The following ZNF385D variants were observed in gnomAD, a reference collection of about 807,000 sequenced individuals.
The protein encoded by ZNF385D is zinc finger protein 659.
In ZNF385D, 15 loss-of-function variants were observed where a neutral mutation model predicts 35.8. That is an observed-to-expected ratio of 0.42 (90% CI 0.28 to 0.64). The LOEUF is 0.64. Ranked by LOEUF, ZNF385D falls within the 30% of genes least tolerant of loss-of-function variation. ZNF385D has a pLI of 0.23. For missense variants in ZNF385D, 474 were observed against 494.6 expected, an observed-to-expected ratio of 0.96 and a Z score of 0.39; for synonymous variants, 212 against 186.8, an observed-to-expected ratio of 1.13 and a Z score of -1.10.
At chr3:22,139,171 T>A (rs1392064148) in intron 3 of ZNF385D, among the ~76,000 whole-genome samples, 5 of 152,118 alleles carry the variant, frequency 3.3e-5, no homozygotes, top group Admixed American at 2.0e-4. Context: ...TTGGTGGGAC[T>A]GTAAACTAGT....
At chr3:21,472,682 A>G (rs140911045) in intron 4 of ZNF385D, among the ~76,000 whole-genome samples, 1 of 152,302 alleles carries the variant, frequency 6.6e-6, no homozygotes, top group Non-Finnish European at 1.5e-5. Context: ...AGCCAATTAC[A>G]GCAGCTAAGC....
In ZNF385D at chr3:22,263,336, T is replaced by G. The variant is rs139907856; in HGVS notation, c.107-94301A>C. Among the ~76,000 whole-genome samples the G allele has an allele frequency of 9.9e-4, 151 of 152,064 alleles. 1 individual carries two copies. The South Asian group carries it at 0.012, about 12-fold the overall frequency. On this transcript the variant is annotated intron_variant, in intron 2 of 5. Coordinates refer to the ZNF385D transcript ENST00000494108. The stretch of plus-strand genomic sequence containing the variant: ...CTTGGGGACTTTCCAACTTTCTGCT[T>G]CCTTCTTTCTGCAATGATTTTGTCC...
At chr3:21,869,305 A>G (rs1697558010) in intron 3 of ZNF385D, among the ~76,000 whole-genome samples, 1 of 152,132 alleles carries the variant, frequency 6.6e-6, no homozygotes, top group Admixed American at 6.6e-5. Context: ...TCAGAGGCGG[A>G]CATAGGTATT....
intron 3 of ZNF385D, among the ~76,000 whole-genome samples, chr3:22,090,743 G>C (rs1436485666): frequency 6.6e-6 from 1 of 152,134 alleles, no homozygotes; most frequent in Non-Finnish European, 1.5e-5. Context: ...ACATACGTTT[G>C]AACCAAATGA....
chr3:21,573,353 A>G (rs954091131), intron 2 of ZNF385D, among the ~76,000 whole-genome samples: 3 of 151,580 alleles, frequency 2.0e-5, no homozygotes, highest in African/African-American at 7.3e-5. Context: ...AAAATTTAAA[A>G]TAACAAGATT....
At chr3:21,974,708 C>A (rs1559807483) in intron 3 of ZNF385D, among the ~76,000 whole-genome samples, 1 of 151,908 alleles carries the variant, frequency 6.6e-6, no homozygotes, top group Non-Finnish European at 1.5e-5. Context: ...ATATAAGGAG[C>A]TCAGACAACT....
At chr3:21,769,718 C>G (rs563898006) in intron 3 of ZNF385D, among the ~76,000 whole-genome samples, 5,568 of 99,172 alleles carry the variant, frequency 0.056, 219 homozygotes, top group Non-Finnish European at 0.066. Context: ...ACTTTCTTCA[C>G]AGAATTGGAA....
At chr3:21,778,301 CACTT>C (rs2071367853) in intron 3 of ZNF385D, among the ~76,000 whole-genome samples, 1 of 151,856 alleles carries the variant, frequency 6.6e-6, no homozygotes, top group African/African-American at 2.4e-5. Context: ...ACCACAAACA[CACTT>C]ATTTCTTTCC....
At chr3:22,103,806 A>G (rs560488124) in intron 3 of ZNF385D, among the ~76,000 whole-genome samples, 1 of 152,140 alleles carries the variant, frequency 6.6e-6, no homozygotes, top group South Asian at 2.1e-4. Flanking sequence ...ATGGCAAACT[A>G]TGCCTTACCA....
chr3:22,102,293 T>C lies in ZNF385D; in HGVS notation c.325+66524A>G, dbSNP rs185482530. 1.8e-4 allele frequency among the ~76,000 whole-genome samples: 27 copies of C among 152,162 alleles called. No homozygotes were observed. In the South Asian group the frequency reaches 5.2e-3, roughly 29 times the overall value. ...TACACTCATGATTTCACTTCATTCC[T>C]CTAGTTATCATATCTACAATTATTT... On this transcript the variant is annotated intron_variant, in intron 3 of 5. Transcript: ENST00000494108.
At chr3:21,511,165 T>C in intron 3 of ZNF385D, 142 bp from the exon 4 acceptor site, 1 of 951,936 alleles carries the variant, frequency 1.1e-6, no homozygotes, top group African/African-American at 1.7e-5. Flanking sequence ...TGGGGTTCTA[T>C]TTAGAATGAT....
chr3:21,787,698 G>A (rs2125651045), intron 3 of ZNF385D, among the ~76,000 whole-genome samples: 1 of 152,130 alleles, frequency 6.6e-6, no homozygotes, highest in Middle Eastern at 3.4e-3. Flanking sequence ...AAATATGAAC[G>A]GACAGGAAGA....
chr3:22,237,725 C>T (rs191553420), intron 2 of ZNF385D, among the ~76,000 whole-genome samples: 1 of 152,156 alleles, frequency 6.6e-6, no homozygotes, highest in Non-Finnish European at 1.5e-5. Context: ...CTCACTAGAA[C>T]CTCCGCCTCA....
chr3:21,526,352 A>G (rs1708222882), intron 3 of ZNF385D, among the ~76,000 whole-genome samples: 1 of 152,064 alleles, frequency 6.6e-6, no homozygotes, highest in African/African-American at 2.4e-5. Context: ...TTGCTCTTCC[A>G]TTTCCTAAAA....
intron 2 of ZNF385D, among the ~76,000 whole-genome samples, chr3:22,359,096 G>A (rs67216790): frequency 0.46 from 68,259 of 147,360 alleles, 18,610 homozygotes; most frequent in African/African-American, 0.77. Context: ...CAAAAAACAA[G>A]AAACAAAAAA....
chr3:21,591,727 C>G (rs2063981756), intron 2 of ZNF385D, among the ~76,000 whole-genome samples: 1 of 152,230 alleles, frequency 6.6e-6, no homozygotes, highest in East Asian at 1.9e-4. Context: ...ACTCTGTCCA[C>G]AAGCTTCTTT....
intron 4 of ZNF385D, among the ~76,000 whole-genome samples, chr3:21,508,573 T>C (rs1033176896): frequency 2.6e-5 from 4 of 152,128 alleles, no homozygotes; most frequent in Non-Finnish European, 4.4e-5. Context: ...TACCTAAGAC[T>C]AGATGGTGCA....
At chr3:21,956,272 T>C (rs979735480) in intron 3 of ZNF385D, among the ~76,000 whole-genome samples, 12 of 151,980 alleles carry the variant, frequency 7.9e-5, no homozygotes, top group Non-Finnish European at 1.5e-4. Flanking sequence ...AGTTTATTTA[T>C]CCAGAGTCCT....
chr3:21,780,582 T>G (rs1353131724), intron 3 of ZNF385D, among the ~76,000 whole-genome samples: 1 of 152,088 alleles, frequency 6.6e-6, no homozygotes, highest in Non-Finnish European at 1.5e-5. Flanking sequence ...TCCTTTCTCT[T>G]AGAACACTTA....
Sources: allele counts gnomAD v4.1 joint callset (sites outside exome capture counted in the v4.1 genomes callset), GRCh38; gene constraint gnomAD v4.1.1; transcripts MANE v1.5; gene names NCBI Gene and HGNC (gene_info 2026-07-23, HGNC 2026-07-21).